CNTLN: variants seen among roughly 807,000 people sequenced by gnomAD.
CNTLN encodes centlein, centrosomal protein.
In CNTLN, 212 loss-of-function variants were observed where a neutral mutation model predicts 180.0. The ratio of observed to expected loss-of-function variants is 1.18; its 90% CI spans 1.05 to 1.32. The LOEUF (loss-of-function observed/expected upper bound fraction) is 1.32. Among genes scored for constraint, CNTLN ranks in the 40% most tolerant of loss-of-function variants. The probability of loss-of-function intolerance (pLI) is 0.00; values close to 1 mark genes in which losing one functional copy is unlikely to be tolerated. For synonymous variants in CNTLN, 722 were observed against 563.1 expected (o/e 1.28, Z -3.99); for missense variants, 2,095 against 1,610.9 (o/e 1.30, Z -5.14).
chr9:17,432,527 A>C (rs28731439), intron 18 of CNTLN, among the ~76,000 whole-genome samples: 1 of 152,168 alleles, frequency 6.6e-6, no homozygotes, highest in East Asian at 1.9e-4. Context: ...ATGAAGGGAA[A>C]AAGAAGGTCT....
chr9:17,348,123 G>A (rs781456719), intron 12 of CNTLN, among the ~76,000 whole-genome samples: 7 of 152,124 alleles, frequency 4.6e-5, no homozygotes, highest in South Asian at 4.2e-4. Flanking sequence ...GAGCCACTGC[G>A]CCCACCAAAA....
At chr9:17,138,070 G>C (rs1817842806) in intron 1 of CNTLN, among the ~76,000 whole-genome samples, 1 of 152,106 alleles carries the variant, frequency 6.6e-6, no homozygotes. Context: ...TTTTTCAAGG[G>C]TGTTCCAAAG....
intron 25 of CNTLN, among the ~76,000 whole-genome samples, chr9:17,491,318 A>G (rs1331722003): frequency 1.3e-5 from 2 of 152,150 alleles, no homozygotes; most frequent in Non-Finnish European, 2.9e-5. Context: ...AAAATTCACT[A>G]CTGTAATAGA....
intron 18 of CNTLN, among the ~76,000 whole-genome samples, chr9:17,416,906 T>C (rs1828296976): frequency 1.3e-5 from 2 of 151,798 alleles, no homozygotes; most frequent in Admixed American, 6.6e-5. Context: ...TAGAAAACAA[T>C]CTTTCAATCA....
chr9:17,476,996 A>T (rs1302407025), intron 23 of CNTLN, among the ~76,000 whole-genome samples: 2 of 152,204 alleles, frequency 1.3e-5, no homozygotes, highest in Non-Finnish European at 2.9e-5. Context: ...TTAGGGGCTA[A>T]TGCAGCTGGG....
chr9:17,139,179 C>T (rs543910062), intron 1 of CNTLN, among the ~76,000 whole-genome samples: 99 of 152,100 alleles, frequency 6.5e-4, no homozygotes, highest in African/African-American at 2.3e-3. Flanking sequence ...CCTCTGCCTC[C>T]CTGGTTCAAG....
At position 17,179,168 on chromosome 9, in the gene CNTLN, C is replaced by T. The variant is rs1037559674; in HGVS notation, c.449+35792C>T. Among the ~76,000 whole-genome samples, 28 of 140,250 alleles carry T rather than the reference C, an allele frequency of 2.0e-4. 1 individual carries two copies. The highest frequency in any genetic ancestry group is 6.2e-4 in the African/African-American group (22 of 35,538). 92.0% of individuals were successfully genotyped at this position (140,250 alleles called of 152,430 possible). A position where few individuals can be genotyped will look rare whatever the true frequency, so the allele number is the denominator to read the frequency against. Reference sequence around the variant, plus strand: ...CTGAGGCAGGAGAATGGCGTGAACCCGGGAGGCGGAGCTTGCAGTGAGCCG... The same window carrying T: ...CTGAGGCAGGAGAATGGCGTGAACCTGGGAGGCGGAGCTTGCAGTGAGCCG... On this transcript the variant is annotated intron_variant, in intron 2 of 25. Transcript: ENST00000380647.
chr9:17,169,701 GT>G (rs1820306252), intron 2 of CNTLN, among the ~76,000 whole-genome samples: 1 of 151,982 alleles, frequency 6.6e-6, no homozygotes, highest in Non-Finnish European at 1.5e-5. Flanking sequence ...TTGAAAGCTA[GT>G]TGACCATTTG....
the CNTLN span, among the ~76,000 whole-genome samples, chr9:17,518,036 C>CTTTTTTTTT: frequency 1.9e-3 from 134 of 69,222 alleles, no homozygotes; most frequent in East Asian, 2.5e-3. Context: ...TTTTCTTTTC[C>CTTTTTTTTT]TTTTTTTTTT....
chr9:17,472,874 G>A (rs990880484), intron 23 of CNTLN, among the ~76,000 whole-genome samples: 8 of 151,880 alleles, frequency 5.3e-5, no homozygotes, highest in Admixed American at 2.0e-4. Flanking sequence ...TGACCTGATC[G>A]TAACTCAAAT....
intron 3 of CNTLN, among the ~76,000 whole-genome samples, chr9:17,226,688 A>G (rs1319064646): frequency 6.6e-6 from 1 of 151,988 alleles, no homozygotes; most frequent in African/African-American, 2.4e-5. Flanking sequence ...TGTTAGTACT[A>G]TATTAGGCTG....
At chr9:17,199,479 G>A (rs1822374226) in intron 2 of CNTLN, among the ~76,000 whole-genome samples, 2 of 152,012 alleles carry the variant, frequency 1.3e-5, no homozygotes, top group South Asian at 4.1e-4. Flanking sequence ...CCAAAGTGCT[G>A]GGATTACAGG....
chr9:17,234,667 G>A (rs911069669), intron 3 of CNTLN, among the ~76,000 whole-genome samples: 1 of 151,716 alleles, frequency 6.6e-6, no homozygotes, highest in Non-Finnish European at 1.5e-5. Flanking sequence ...GGTCAACTGA[G>A]CATATTACTT....
intron 2 of CNTLN, among the ~76,000 whole-genome samples, chr9:17,224,290 T>G (rs1446216561): frequency 6.6e-6 from 1 of 152,048 alleles, no homozygotes; most frequent in Non-Finnish European, 1.5e-5. Flanking sequence ...TAGTCCCTAG[T>G]CCAATGACTG....
chr9:17,398,232 G>T (rs1320866080), intron 15 of CNTLN, among the ~76,000 whole-genome samples: 1 of 152,124 alleles, frequency 6.6e-6, no homozygotes, highest in Non-Finnish European at 1.5e-5. Context: ...AGTTTGTAGT[G>T]TTATTGAATA....
chr9:17,251,428 T>A (rs1826134453), intron 5 of CNTLN, among the ~76,000 whole-genome samples: 1 of 151,892 alleles, frequency 6.6e-6, no homozygotes, highest in Non-Finnish European at 1.5e-5. Context: ...TCACTTTTTT[T>A]CTTTTTTCTC....
At chr9:17,461,286 A>G (rs879859049) in intron 19 of CNTLN, among the ~76,000 whole-genome samples, 2 of 151,670 alleles carry the variant, frequency 1.3e-5, no homozygotes, top group Non-Finnish European at 3.0e-5. Flanking sequence ...AAAATTAATG[A>G]TTGAAGCAAA....
At chr9:17,321,301 A>C (rs962183321) in intron 8 of CNTLN, among the ~76,000 whole-genome samples, 1 of 152,144 alleles carries the variant, frequency 6.6e-6, no homozygotes, top group African/African-American at 2.4e-5. Context: ...ACTTTTTCTT[A>C]AGATTGAGCT....
chr9:17,427,339 A>T (rs1829154778), intron 18 of CNTLN, among the ~76,000 whole-genome samples: 1 of 148,476 alleles, frequency 6.7e-6, no homozygotes, highest in African/African-American at 2.5e-5. Context: ...ACTTGATATC[A>T]TATATTTTCT....
Sources: allele counts gnomAD v4.1 joint callset (sites outside exome capture counted in the v4.1 genomes callset), GRCh38; gene constraint gnomAD v4.1.1; transcripts MANE v1.5; gene names NCBI Gene and HGNC (gene_info 2026-07-23, HGNC 2026-07-21).